Variants in FAM135B observed in about 807,000 individuals in gnomAD.
FAM135B encodes the protein family with sequence similarity 135 member B.
FAM135B carries 43 observed loss-of-function variants against 127.7 expected under a neutral mutation model. The ratio of observed to expected loss-of-function variants is 0.34; its 90% confidence interval spans 0.26 to 0.43. The LOEUF is 0.43. Ranked by LOEUF, FAM135B falls within the 20% of genes least tolerant of loss-of-function variation. The pLI is 1.00. For missense variants in FAM135B, 1,558 were observed against 1,725.6 expected (o/e 0.90, Z 1.72); for synonymous variants, 670 against 665.1 (o/e 1.01, Z -0.11).
At chr8:138,135,241 A>T (rs1300360677) in intron 19 of FAM135B, among the ~76,000 whole-genome samples, 1 of 152,146 alleles carries the variant, frequency 6.6e-6, no homozygotes, top group Non-Finnish European at 1.5e-5. Flanking sequence ...CAACAAAAAT[A>T]TTTCTCTATG....
chr8:138,190,161 TA>T (rs1476753909), intron 9 of FAM135B, among the ~76,000 whole-genome samples: 1 of 152,172 alleles, frequency 6.6e-6, no homozygotes, highest in Non-Finnish European at 1.5e-5. Flanking sequence ...TAAATTCTCT[TA>T]GCACCTGCAA....
chr8:138,322,238 T>C (rs746062368), intron 2 of FAM135B, among the ~76,000 whole-genome samples: 2 of 152,218 alleles, frequency 1.3e-5, no homozygotes, highest in East Asian at 1.9e-4. Flanking sequence ...CACATTTCTA[T>C]AAGCAGTGTT....
intron 2 of FAM135B, among the ~76,000 whole-genome samples, chr8:138,364,578 T>C (rs531755527): frequency 1.3e-5 from 2 of 152,276 alleles, no homozygotes; most frequent in East Asian, 3.9e-4. Context: ...CGTGAAATGC[T>C]AGCCTTAAGA....
Position 138,333,135 on chromosome 8 carries a change from C to T in FAM135B, c.78-22215G>A, listed in dbSNP as rs560955818. Among the ~76,000 whole-genome samples the T allele has an allele frequency of 1.6e-4, 24 of 152,240 alleles. No homozygotes were observed. The East Asian group carries it at 4.6e-3, about 29-fold the overall frequency. On this transcript the variant is annotated intron_variant, in intron 2 of 19. Coordinates refer to ENST00000395297, the MANE Select transcript of FAM135B (RefSeq NM_015912.4). ...ACTTGTGAAGAGATAAAGGAACATCCAGTCAGGAACCTTCTGTGCTGTGTA... is the reference window on the plus strand; with the variant it reads ...ACTTGTGAAGAGATAAAGGAACATCTAGTCAGGAACCTTCTGTGCTGTGTA...
At chr8:138,431,057 T>A (rs73432188) in intron 1 of FAM135B, among the ~76,000 whole-genome samples, 1 of 152,224 alleles carries the variant, frequency 6.6e-6, no homozygotes, top group African/African-American at 2.4e-5. Flanking sequence ...AGTGAAAGCC[T>A]TATGAAATTT....
chr8:138,312,492 C>T (rs1826765327), intron 2 of FAM135B, among the ~76,000 whole-genome samples: 1 of 152,088 alleles, frequency 6.6e-6, no homozygotes, highest in South Asian at 2.1e-4. Context: ...AGACTGGATA[C>T]TGGAGAAGCC....
chr8:138,371,363 C>G (rs1831106916), intron 1 of FAM135B, among the ~76,000 whole-genome samples: 1 of 152,056 alleles, frequency 6.6e-6, no homozygotes, highest in Non-Finnish European at 1.5e-5. Context: ...CACAAACACA[C>G]AGATACATAC....
chr8:138,194,173 T>C (rs1307563146), intron 9 of FAM135B, among the ~76,000 whole-genome samples: 2 of 152,196 alleles, frequency 1.3e-5, no homozygotes, highest in African/African-American at 2.4e-5. Flanking sequence ...CCTGCATTTT[T>C]GATAATCAGT....
At chr8:138,413,250 T>G (rs988903795) in intron 1 of FAM135B, among the ~76,000 whole-genome samples, 56 of 152,242 alleles carry the variant, frequency 3.7e-4, no homozygotes, top group African/African-American at 1.3e-3. Context: ...TTCCCTCCCT[T>G]GCTCTTCATT....
intron 3 of FAM135B, among the ~76,000 whole-genome samples, chr8:138,295,384 G>A (rs78602727): frequency 0.014 from 2,074 of 152,030 alleles, 40 homozygotes; most frequent in African/African-American, 0.044. Flanking sequence ...TATGGGTGCC[G>A]GCCTTGATGA....
chr8:138,202,491 T>G (rs1817219454), intron 7 of FAM135B, among the ~76,000 whole-genome samples: 1 of 152,146 alleles, frequency 6.6e-6, no homozygotes, highest in Admixed American at 6.6e-5. Context: ...GTTTAAGTGA[T>G]CCTCTCTCCT....
At chr8:138,423,845 G>A (rs1040201858) in intron 1 of FAM135B, among the ~76,000 whole-genome samples, 2 of 152,094 alleles carry the variant, frequency 1.3e-5, no homozygotes, top group Non-Finnish European at 2.9e-5. Flanking sequence ...CATAAAAGAC[G>A]GCTGCACCCC....
At chr8:138,405,273 G>T (rs990810111) in intron 1 of FAM135B, among the ~76,000 whole-genome samples, 1 of 150,736 alleles carries the variant, frequency 6.6e-6, no homozygotes, top group Admixed American at 6.6e-5. Flanking sequence ...ACAATGTGCA[G>T]GTTAGTTACA....
At chr8:138,277,699 A>T (rs1316154034) in intron 3 of FAM135B, among the ~76,000 whole-genome samples, 2 of 152,082 alleles carry the variant, frequency 1.3e-5, no homozygotes, top group Non-Finnish European at 2.9e-5. Flanking sequence ...GATCCCACAC[A>T]TTTCAAACTG....
chr8:138,195,555 G>C (rs1816546434), intron 8 of FAM135B, among the ~76,000 whole-genome samples: 1 of 152,036 alleles, frequency 6.6e-6, no homozygotes, highest in South Asian at 2.1e-4. Flanking sequence ...ACACGGTTAT[G>C]AGAAGCAGTA....
rs1817864866 is a variant in FAM135B, at chr8:138,148,781, C to A, written c.3282-95G>T. On this transcript the variant is annotated intron_variant, in intron 13 of 19. Coordinates refer to ENST00000395297, the MANE Select transcript of FAM135B (RefSeq NM_015912.4). ...GGTATGTAGAAGGGCTGAGCACCCA[C>A]AAGCAAAGTGCCTGCTGAGTGGCAA... 3.1e-5 allele frequency: 27 copies of A among 876,406 alleles called. No homozygotes were observed. In the South Asian group the frequency reaches 4.7e-4, roughly 15 times the overall value. 54.3% of individuals were successfully genotyped at this position (876,406 alleles called of 1,614,324 possible).
chr8:138,487,933 G>A (rs914046288), intron 1 of FAM135B, among the ~76,000 whole-genome samples: 7 of 152,090 alleles, frequency 4.6e-5, no homozygotes, highest in Non-Finnish European at 7.4e-5. Flanking sequence ...GAACCCGGGA[G>A]GCAGAGGTTG....
intron 18 of FAM135B, among the ~76,000 whole-genome samples, chr8:138,137,593 C>A (rs1417478019): frequency 1.3e-5 from 2 of 152,090 alleles, no homozygotes; most frequent in African/African-American, 2.4e-5. Context: ...AAATAAGCAA[C>A]TAGAATGGGA....
chr8:138,298,964 G>A (rs993139953), intron 3 of FAM135B, among the ~76,000 whole-genome samples: 1 of 151,774 alleles, frequency 6.6e-6, no homozygotes, highest in African/African-American at 2.4e-5. Context: ...GGAGGCTGAG[G>A]CACAAGAATC....
Sources: allele counts gnomAD v4.1 joint callset (sites outside exome capture counted in the v4.1 genomes callset), GRCh38; gene constraint gnomAD v4.1.1; transcripts MANE v1.5; gene names NCBI Gene and HGNC (gene_info 2026-07-23, HGNC 2026-07-21).